ANO2: variants seen among roughly 807,000 people sequenced by gnomAD.
ANO2 encodes anoctamin 2.
Under a neutral mutation model 124.2 loss-of-function variants are expected in ANO2, and 101 were observed. That is an observed-to-expected ratio of 0.81 (90% CI 0.69 to 0.96). The LOEUF is 0.96. Ranked by LOEUF, ANO2 falls within the 40% of genes least tolerant of loss-of-function variation. The pLI is 0.00. For missense variants in ANO2, 1,293 were observed against 1,274.5 expected (o/e 1.01, Z -0.22); for synonymous variants, 486 against 482.5 (o/e 1.01, Z -0.09).
chr12:5,847,693 C>A (rs1954726232), intron 4 of ANO2, among the ~76,000 whole-genome samples: 1 of 152,136 alleles, frequency 6.6e-6, no homozygotes, highest in African/African-American at 2.4e-5. Context: ...AGAACAATTT[C>A]CAATCATTTC....
At chr12:5,888,353 T>C (rs1939113662) in intron 3 of ANO2, among the ~76,000 whole-genome samples, 2 of 152,164 alleles carry the variant, frequency 1.3e-5, no homozygotes, top group South Asian at 2.1e-4. Flanking sequence ...GCAAGATTTA[T>C]TGCAAAAAGC....
At chr12:5,880,076 G>T (rs1262716815) in intron 3 of ANO2, among the ~76,000 whole-genome samples, 1 of 152,158 alleles carries the variant, frequency 6.6e-6, no homozygotes, top group African/African-American at 2.4e-5. Flanking sequence ...GACATGACCT[G>T]GTGTCCACCA....
At chr12:5,778,137 GTCTAC>G (rs74696184) in intron 10 of ANO2, among the ~76,000 whole-genome samples, 22,438 of 152,062 alleles carry the variant, frequency 0.15, 1,810 homozygotes, top group African/African-American at 0.21. Context: ...TTTATTGAGT[GTCTAC>G]TCTAATAAGA....
intron 3 of ANO2, among the ~76,000 whole-genome samples, chr12:5,917,047 T>C (rs1941422747): frequency 6.6e-6 from 1 of 152,000 alleles, no homozygotes; most frequent in Non-Finnish European, 1.5e-5. Context: ...GAAGAAGTGC[T>C]GAGTGGCCTT....
intron 3 of ANO2, 144 bp from the exon 4 acceptor site, chr12:5,854,285 C>G: frequency 1.5e-6 from 1 of 651,136 alleles, no homozygotes; most frequent in Non-Finnish European, 2.6e-6. Context: ...CACCAGGGAC[C>G]AGTCCCTTCC....
Position 5,921,265 on chromosome 12 carries a change from A to C in ANO2, c.309T>G (p.Leu103=), listed in dbSNP as rs1358818048. ...CCCCGCGTTTCCGGTAGTGGTAGGC[A>C]AGTACATAGTCGACCTTCCTCTGAC... The part of the protein sequence containing the change: ...HDSQRKVDYV[L]AYHYRKRGVH... Residue 103 remains leucine (L), a synonymous_variant, in exon 3 of 25, where the codon CTT becomes CTG. Coordinates refer to ENST00000682330, the MANE Select transcript of ANO2 (RefSeq NM_001364791.2). 2 of 1,613,892 alleles carry C rather than the reference A, an allele frequency of 1.2e-6. No homozygotes were observed. The highest frequency in any genetic ancestry group is 2.7e-5 in the African/African-American group (2 of 74,908).
intron 4 of ANO2, among the ~76,000 whole-genome samples, chr12:5,850,188 G>C (rs1954831360): frequency 6.6e-6 from 1 of 151,836 alleles, no homozygotes; most frequent in Non-Finnish European, 1.5e-5. Context: ...GGCTGAGGCA[G>C]ATGGATCACT....
At chr12:5,866,964 T>C (rs946383624) in intron 3 of ANO2, among the ~76,000 whole-genome samples, 3 of 152,348 alleles carry the variant, frequency 2.0e-5, no homozygotes, top group African/African-American at 7.2e-5. Context: ...ATACAAGTGA[T>C]AGCAGGGAGT....
At chr12:5,890,389 T>A (rs546347664) in intron 3 of ANO2, among the ~76,000 whole-genome samples, 1 of 152,358 alleles carries the variant, frequency 6.6e-6, no homozygotes, top group Non-Finnish European at 1.5e-5. Context: ...GAGCAGAGGT[T>A]CACATGTCAG....
chr12:5,589,023 G>C (rs1943260694), intron 20 of ANO2, among the ~76,000 whole-genome samples: 1 of 152,212 alleles, frequency 6.6e-6, no homozygotes, highest in South Asian at 2.1e-4. Context: ...AGATACAAGA[G>C]GCAGCAGATG....
At chr12:5,927,980 A>C (rs1942163871) in intron 1 of ANO2, among the ~76,000 whole-genome samples, 1 of 152,202 alleles carries the variant, frequency 6.6e-6, no homozygotes, top group African/African-American at 2.4e-5. Context: ...TGTAGCTGAC[A>C]GGGGAAACAC....
Position 5,575,813 on chromosome 12 carries a change from T to C in ANO2, c.2621+21A>G, listed in dbSNP as rs199856489. 107 of 1,610,578 alleles carry C rather than the reference T, an allele frequency of 6.6e-5. 1 individual carries two copies. The African/African-American group carries it at 1.3e-3, about 20-fold the overall frequency. On this transcript the variant is annotated intron_variant, in intron 23 of 24. Transcript: ENST00000682330. Reference sequence around the variant, plus strand: ...TATTGCTTCTGGTCCTCTGCTGCCCTTCTCCTGAAGATTACTTTACCTGCA... The same window carrying C: ...TATTGCTTCTGGTCCTCTGCTGCCCCTCTCCTGAAGATTACTTTACCTGCA...
At chr12:5,631,324 C>T (rs1945708385) in intron 16 of ANO2, among the ~76,000 whole-genome samples, 2 of 152,162 alleles carry the variant, frequency 1.3e-5, no homozygotes, top group Non-Finnish European at 2.9e-5. Context: ...TTGTGGGTTG[C>T]TCCCTCCTGC....
At chr12:5,619,176 A>AG (rs1464299680) in intron 16 of ANO2, among the ~76,000 whole-genome samples, 3 of 152,186 alleles carry the variant, frequency 2.0e-5, no homozygotes, top group Admixed American at 1.3e-4. Flanking sequence ...CCACCAATGT[A>AG]GGGGTCTCTG....
rs1368483610 is a variant in ANO2 at position 5,787,451 on chromosome 12, TG to T, written c.1055+12055del. Among the ~76,000 whole-genome samples, 1 of 152,148 alleles carries T rather than the reference TG, an allele frequency of 6.6e-6. No individual in the cohort carries two copies. The highest frequency in any genetic ancestry group is 1.5e-5 in the Non-Finnish European group (1 of 68,026). Reference sequence around the variant, plus strand: ...TTCCCCCAGCAGTGGGGCATACACATGGTGGAGAAGCCAGACTCAGGAGTTC... The same window carrying T: ...TTCCCCCAGCAGTGGGGCATACACATGTGGAGAAGCCAGACTCAGGAGTTC... On this transcript the variant is annotated intron_variant, in intron 10 of 24. Transcript: ENST00000682330. The surrounding 1 kb of genome is among the most constrained non-coding windows in gnomAD (Gnocchi z 4.2).
intron 14 of ANO2, among the ~76,000 whole-genome samples, chr12:5,660,362 T>G (rs1947375394): frequency 6.8e-6 from 1 of 146,730 alleles, no homozygotes; most frequent in South Asian, 2.1e-4. Flanking sequence ...CTCTCCAACT[T>G]TATCTCTTGC....
intron 3 of ANO2, among the ~76,000 whole-genome samples, chr12:5,887,504 G>A (rs1591744667): frequency 6.6e-6 from 1 of 152,216 alleles, no homozygotes; most frequent in Non-Finnish European, 1.5e-5. Context: ...TGCCAACAGC[G>A]TCCAAGCAAA....
In ANO2 at chr12:5,773,801, C is replaced by T. The variant is rs550948543; in HGVS notation, c.1056-22831G>A. Among the ~76,000 whole-genome samples the T allele has an allele frequency of 1.4e-4, 22 of 152,308 alleles. No homozygotes were observed. In the East Asian group the frequency reaches 4.1e-3, roughly 28 times the overall value. ...TGAGTGAGCATGGGATGCCTTCTAA[C>T]CCCTCACACTCCCTTGGTCAGGTGC... is the stretch of plus-strand genomic sequence containing the variant. On this transcript the variant is annotated intron_variant, in intron 10 of 24. Coordinates refer to ENST00000682330, the MANE Select transcript of ANO2 (RefSeq NM_001364791.2).
At chr12:5,569,394 A>T (rs1941970165) in intron 23 of ANO2, among the ~76,000 whole-genome samples, 1 of 152,134 alleles carries the variant, frequency 6.6e-6, no homozygotes, top group African/African-American at 2.4e-5. Flanking sequence ...TCCCCAGCAT[A>T]TTATTTTAGG....
Sources: gnomAD v4.1 joint callset for allele counts (sites outside exome capture counted in the v4.1 genomes callset) on GRCh38, gnomAD v4.1.1 for gene constraint, Gnocchi (gnomAD v3.1) non-coding constraint, MANE v1.5 for transcripts, NCBI Gene and HGNC (gene_info 2026-07-23, HGNC 2026-07-21) for gene names.